GXYLT1: variants seen among roughly 807,000 people sequenced by gnomAD.
GXYLT1 encodes glycosyltransferase 8 domain containing 3.
Under a neutral mutation model 54.0 loss-of-function variants are expected in GXYLT1, and 29 were observed. That is an observed-to-expected ratio of 0.54 (90% CI 0.40 to 0.73). The LOEUF is 0.73. GXYLT1 is among the 30% of genes least tolerant of loss of function. The probability of loss-of-function intolerance (pLI) is 0.00; values close to 1 mark genes in which losing one functional copy is unlikely to be tolerated. For synonymous variants in GXYLT1, 176 were observed against 204.1 expected (o/e 0.86, Z 1.17); for missense variants, 490 against 553.4 (o/e 0.89, Z 1.15).
chr12:42,115,455 C>CA (rs1184539593), intron 3 of GXYLT1, among the ~76,000 whole-genome samples: 1 of 152,096 alleles, frequency 6.6e-6, no homozygotes, highest in Non-Finnish European at 1.5e-5. Flanking sequence ...AATCAATGTG[C>CA]AAAAATCACA....
At chr12:42,126,380 G>A (rs2065562483) in intron 2 of GXYLT1, among the ~76,000 whole-genome samples, 2 of 152,080 alleles carry the variant, frequency 1.3e-5, no homozygotes, top group South Asian at 2.1e-4. Flanking sequence ...CCAGCCAGTA[G>A]GGAGGTACTC....
rs766690363 is a variant in GXYLT1, at chr12:42,111,463, C to T, written c.487-1772G>A. 1.8e-4 allele frequency among the ~76,000 whole-genome samples: 28 copies of T among 152,338 alleles called. 2 individuals carry two copies. Among genetic ancestry groups the T allele is most frequent in the African/African-American group, 2.6e-4 (11 of 41,574 alleles). ...GCGCTTTTCCAATGGGCTTAAAAAA[C>T]GGCACACCAGGAGATTATATCCCTC... is the stretch of plus-strand genomic sequence containing the variant. On this transcript the variant is annotated intron_variant, in intron 3 of 7. Transcript: ENST00000398675.
intron 1 of GXYLT1, among the ~76,000 whole-genome samples, chr12:42,144,042 G>T (rs2065665828): frequency 1.3e-5 from 2 of 152,126 alleles, no homozygotes; most frequent in Admixed American, 1.3e-4. Context: ...GAACTAGGGC[G>T]CCAGCCTCAT....
intron 1 of GXYLT1, among the ~76,000 whole-genome samples, chr12:42,136,128 T>C (rs986754915): frequency 1.3e-5 from 2 of 152,212 alleles, no homozygotes; most frequent in African/African-American, 4.8e-5. Flanking sequence ...TTTGAAAAAC[T>C]GGTTTGGGAG....
intron 5 of GXYLT1, 117 bp downstream of exon 5, chr12:42,105,701 T>A (rs2065415033): frequency 1.5e-6 from 1 of 685,860 alleles, no homozygotes; most frequent in Non-Finnish European, 2.4e-6. Flanking sequence ...ATGAGATTAT[T>A]CTAAATAGAA....
chr12:42,115,243 C>T (rs1306832190), intron 3 of GXYLT1, among the ~76,000 whole-genome samples: 4 of 152,164 alleles, frequency 2.6e-5, no homozygotes, highest in Non-Finnish European at 4.4e-5. Context: ...CCCTCTCTCA[C>T]CACTCCTATT....
chr12:42,121,982 T>C (rs943657786), intron 2 of GXYLT1, among the ~76,000 whole-genome samples: 1 of 152,116 alleles, frequency 6.6e-6, no homozygotes, highest in Non-Finnish European at 1.5e-5. Context: ...AAGTGATAAC[T>C]AAAACCTTCT....
intron 1 of GXYLT1, among the ~76,000 whole-genome samples, chr12:42,143,538 A>G (rs1308984812): frequency 1.3e-5 from 2 of 152,170 alleles, no homozygotes; most frequent in Admixed American, 6.5e-5. Context: ...ATACTTCTCT[A>G]TATCAAAGCA....
At chr12:42,112,665 T>C (rs565337468) in intron 3 of GXYLT1, among the ~76,000 whole-genome samples, 4 of 152,132 alleles carry the variant, frequency 2.6e-5, no homozygotes, top group East Asian at 1.9e-4. Context: ...CTACGTCTGA[T>C]TGGTGTACCT....
intron 7 of GXYLT1, among the ~76,000 whole-genome samples, chr12:42,090,414 TCCTTA>T (rs2065323129): frequency 1.3e-5 from 2 of 152,222 alleles, no homozygotes; most frequent in South Asian, 4.1e-4. Flanking sequence ...GCCTGACTTA[TCCTTA>T]CCTTTTCTTC....
At chr12:42,144,142 T>C (rs1314476508) in intron 1 of GXYLT1, among the ~76,000 whole-genome samples, 2 of 152,232 alleles carry the variant, frequency 1.3e-5, no homozygotes, top group African/African-American at 4.8e-5. Flanking sequence ...ACCTCTTATT[T>C]TCAAAGAACC....
rs144489740 is a variant in GXYLT1 at position 42,107,115 on chromosome 12, C to T, written c.613-1046G>A. On this transcript the variant is annotated intron_variant, in intron 4 of 7. Transcript: ENST00000398675. ...CTGACTCCTACAAATTTAAATTTAC[C>T]GCCTATCCTGGTTTATTAGTAAGAT... Among the ~76,000 whole-genome samples the T allele has an allele frequency of 6.6e-5, 10 of 152,174 alleles. No homozygotes were observed. The East Asian group carries it at 9.7e-4, about 15-fold the overall frequency.
At chr12:42,111,312 G>A (rs1036183941) in intron 3 of GXYLT1, among the ~76,000 whole-genome samples, 3 of 152,338 alleles carry the variant, frequency 2.0e-5, no homozygotes, top group South Asian at 2.1e-4. Flanking sequence ...CACCGTGCGC[G>A]AGCCGAACCG....
rs922928996 is a variant in GXYLT1 at position 42,144,417 on chromosome 12, T to A, written c.221+9A>T. The A allele has an allele frequency of 1.5e-6, 2 of 1,307,470 alleles. No homozygotes were observed. Among genetic ancestry groups the A allele is most frequent in the African/African-American group, 3.3e-5 (2 of 61,354 alleles). 81.0% of individuals were successfully genotyped at this position (1,307,470 alleles called of 1,614,324 possible). On this transcript the variant is annotated intron_variant, in intron 1 of 7. Coordinates refer to ENST00000398675, the MANE Select transcript of GXYLT1 (RefSeq NM_173601.2). ...CCGCCGCGTCCCCCACACCGGGAAC[T>A]GCCCGTACCTGTCCGACACGCCGGG...
chr12:42,093,652 T>A (rs2065340526), intron 7 of GXYLT1, among the ~76,000 whole-genome samples: 1 of 152,106 alleles, frequency 6.6e-6, no homozygotes, highest in Admixed American at 6.5e-5. Context: ...GTATCTGAAA[T>A]CTTCTGGTTA....
At chr12:42,096,787 T>C (rs1337726254) in intron 7 of GXYLT1, among the ~76,000 whole-genome samples, 1 of 152,028 alleles carries the variant, frequency 6.6e-6, no homozygotes, top group Non-Finnish European at 1.5e-5. Context: ...AACTACACTG[T>C]GGAGAAAATA....
At position 42,085,125 on chromosome 12, in the gene GXYLT1, A is replaced by G. The variant is rs1010733026; in HGVS notation, c.*2661T>C. 3 of 56,588 alleles carry G rather than the reference A, an allele frequency of 5.3e-5. No homozygotes were observed. The highest frequency in any genetic ancestry group is 5.2e-4 in the East Asian group (1 of 1,936). The allele number at this position is 56,588 out of a possible 1,614,324, so 3.5% of individuals were successfully genotyped here. A position where few individuals can be genotyped will look rare whatever the true frequency, so the allele number is the denominator to read the frequency against. ...CAAAAGAATTACCTTGTCTAAAGATAAATTCAGAAAATTCATTTAAAAATT... is the reference window on the plus strand; with the variant it reads ...CAAAAGAATTACCTTGTCTAAAGATGAATTCAGAAAATTCATTTAAAAATT... On this transcript the variant is annotated 3_prime_UTR_variant, in exon 8 of 8. Coordinates refer to ENST00000398675, the MANE Select transcript of GXYLT1 (RefSeq NM_173601.2).
chr12:42,095,645 G>A (rs1036870907), intron 7 of GXYLT1, among the ~76,000 whole-genome samples: 26 of 152,050 alleles, frequency 1.7e-4, no homozygotes, highest in Non-Finnish European at 3.4e-4. Flanking sequence ...TAGGATAAAC[G>A]GGCTAAGATA....
At chr12:42,090,026 A>G (rs1345355252) in intron 7 of GXYLT1, among the ~76,000 whole-genome samples, 3 of 152,174 alleles carry the variant, frequency 2.0e-5, no homozygotes, top group Non-Finnish European at 4.4e-5. Context: ...GATTCCCAGG[A>G]GTATGTAGTA....
Sources: gnomAD v4.1 joint callset for allele counts (sites outside exome capture counted in the v4.1 genomes callset) on GRCh38, gnomAD v4.1.1 for gene constraint, MANE v1.5 for transcripts, NCBI Gene and HGNC (gene_info 2026-07-23, HGNC 2026-07-21) for gene names.